Variants in VTA1 observed in about 807,000 individuals in gnomAD.
VTA1 encodes the protein vesicle trafficking 1.
In VTA1, 24 loss-of-function variants were observed where a neutral mutation model predicts 36.9. The observed-to-expected ratio is 0.65, with a 90% CI of 0.47 to 0.91. The LOEUF is 0.91. Among genes scored for constraint, VTA1 ranks in the 40% least tolerant of loss-of-function variants. The pLI is 0.00. For synonymous variants in VTA1, 142 were observed against 130.2 expected (o/e 1.09, Z -0.62); for missense variants, 393 against 377.2 (o/e 1.04, Z -0.35).
chr6:142,205,526 C>A (rs1302250045), intron 7 of VTA1, among the ~76,000 whole-genome samples: 1 of 152,066 alleles, frequency 6.6e-6, no homozygotes, highest in South Asian at 2.1e-4. Flanking sequence ...AGGAACTTAA[C>A]TCAGGATGTA....
chr6:142,157,014 A>C (rs975050613), intron 1 of VTA1, among the ~76,000 whole-genome samples: 32 of 152,306 alleles, frequency 2.1e-4, no homozygotes, highest in African/African-American at 7.5e-4. Flanking sequence ...AAATACAAAA[A>C]TTAGCCGGGC....
At position 142,170,523 on chromosome 6, in the gene VTA1, G is replaced by A. The variant is rs562068544; in HGVS notation, c.411+102G>A. On this transcript the variant is annotated intron_variant, in intron 4 of 7. Transcript: ENST00000367630. The stretch of plus-strand genomic sequence containing the variant: ...TTTATTTACAGCAGAATGTCTGTCA[G>A]AAATTAATGCAAGCAAAAAATGTAA... 1,354 of 754,608 alleles carry A rather than the reference G, an allele frequency of 1.8e-3. 4 individuals are homozygous for A. The highest frequency in any genetic ancestry group is 2.4e-3 in the Non-Finnish European group (1,222 of 511,098). The allele number at this position is 754,608 out of a possible 1,614,324, so 46.7% of individuals were successfully genotyped here. A position where few individuals can be genotyped will look rare whatever the true frequency, so the allele number is the denominator to read the frequency against.
intron 1 of VTA1, among the ~76,000 whole-genome samples, chr6:142,164,444 A>G (rs373926443): frequency 5.3e-5 from 8 of 152,108 alleles, no homozygotes; most frequent in African/African-American, 1.7e-4. Context: ...TTATGAATAC[A>G]TTATTAAATT....
intron 4 of VTA1, among the ~76,000 whole-genome samples, chr6:142,172,921 G>A (rs375042517): frequency 6.6e-6 from 1 of 150,768 alleles, no homozygotes; most frequent in East Asian, 1.9e-4. Context: ...TATAATAGGA[G>A]CCTGTACAAT....
Position 142,223,923 on chromosome 6 carries a change from G to A in VTA1, c.*5280G>A, listed in dbSNP as rs1331378356. 6.6e-6 allele frequency: 1 copy of A among 151,730 alleles called. No homozygotes were observed. Among genetic ancestry groups the A allele is most frequent in the East Asian group, 1.9e-4 (1 of 5,130 alleles). 9.4% of individuals were successfully genotyped at this position (151,730 alleles called of 1,614,324 possible). On this transcript the variant is annotated 3_prime_UTR_variant, in exon 8 of 8. Coordinates refer to ENST00000367630, the MANE Select transcript of VTA1 (RefSeq NM_016485.5). ...ATTCAGGTAACTCGAGTAATTTAGT[G>A]TTACTATGCATATGGCCTATGGAGG...
intron 1 of VTA1, among the ~76,000 whole-genome samples, chr6:142,160,591 C>T (rs1043552613): frequency 6.6e-6 from 1 of 152,060 alleles, no homozygotes; most frequent in Non-Finnish European, 1.5e-5. Context: ...TGGGACTCCT[C>T]TTCCTGGGCC....
At chr6:142,214,380 C>CA (rs1282257334) in intron 7 of VTA1, among the ~76,000 whole-genome samples, 2 of 152,148 alleles carry the variant, frequency 1.3e-5, no homozygotes, top group Non-Finnish European at 2.9e-5. Context: ...TTCAACAAGT[C>CA]ACGTGGAAGG....
In VTA1 at chr6:142,195,363, C is replaced by T. The variant is rs79381356; in HGVS notation, c.521-3076C>T. On this transcript the variant is annotated intron_variant, in intron 5 of 7. Coordinates refer to ENST00000367630, the MANE Select transcript of VTA1 (RefSeq NM_016485.5). ...TCCCTGAGGTAGTGCCATTTATTGG[C>T]GTAATATTTTCTTATTGTCTTCACT... Among the ~76,000 whole-genome samples, 1,292 of 151,942 alleles carry T rather than the reference C, an allele frequency of 8.5e-3. 14 individuals are homozygous for T. Among genetic ancestry groups the T allele is most frequent in the African/African-American group, 0.029 (1,209 of 41,448 alleles).
At position 142,220,324 on chromosome 6, in the gene VTA1, C is replaced by T. The variant is rs1369609104; in HGVS notation, c.*1681C>T. On this transcript the variant is annotated 3_prime_UTR_variant, in exon 8 of 8. Coordinates refer to ENST00000367630, the MANE Select transcript of VTA1 (RefSeq NM_016485.5). The stretch of plus-strand genomic sequence containing the variant: ...AATTTTAATTCAAACCTTGATATGC[C>T]TGGACACTGAAAAGTAAACGCATCA... 6.6e-6 allele frequency: 1 copy of T among 152,132 alleles called. No homozygotes were observed. The allele number at this position is 152,132 out of a possible 1,614,324, so 9.4% of individuals were successfully genotyped here. A position where few individuals can be genotyped will look rare whatever the true frequency, so the allele number is the denominator to read the frequency against.
At chr6:142,216,062 C>G (rs1775999767) in intron 7 of VTA1, among the ~76,000 whole-genome samples, 1 of 152,000 alleles carries the variant, frequency 6.6e-6, no homozygotes, top group Non-Finnish European at 1.5e-5. Context: ...ATCTTTGAAG[C>G]ATCTTTAAGG....
In VTA1 at chr6:142,154,899, T is replaced by G. The variant is rs574763948; in HGVS notation, c.112+7500T>G. 2.0e-5 allele frequency among the ~76,000 whole-genome samples: 3 copies of G among 152,186 alleles called. No homozygotes were observed. The East Asian group carries it at 5.8e-4, about 29-fold the overall frequency. ...GGTTTCTTAGATATTGTTGAGAAAA[T>G]TACTCCTTTTCCTCAAATGTGAGTT... On this transcript the variant is annotated intron_variant, in intron 1 of 7. Coordinates refer to ENST00000367630, the MANE Select transcript of VTA1 (RefSeq NM_016485.5).
At chr6:142,169,357 G>C (rs1774985559) in intron 2 of VTA1, among the ~76,000 whole-genome samples, 193 bp from the exon 3 acceptor site, 1 of 152,142 alleles carries the variant, frequency 6.6e-6, no homozygotes, top group Non-Finnish European at 1.5e-5. Context: ...CTTCAAAGTT[G>C]TAAGCATTGG....
intron 5 of VTA1, among the ~76,000 whole-genome samples, chr6:142,195,569 C>T (rs1478484700): frequency 2.2e-5 from 3 of 134,918 alleles, no homozygotes; most frequent in Non-Finnish European, 4.8e-5. Context: ...TTATTTTTTG[C>T]TGCACCACAC....
chr6:142,188,412 A>G (rs918573529), intron 4 of VTA1, among the ~76,000 whole-genome samples: 1 of 151,400 alleles, frequency 6.6e-6, no homozygotes, highest in Non-Finnish European at 1.5e-5. Flanking sequence ...ACAGGGTTTC[A>G]CTGTGTTGGC....
intron 4 of VTA1, among the ~76,000 whole-genome samples, chr6:142,184,319 ATTACT>A (rs1775299833): frequency 1.3e-5 from 2 of 152,164 alleles, no homozygotes; most frequent in Admixed American, 1.3e-4. Context: ...CCTTCAGTAA[ATTACT>A]TTACTTTTGT....
intron 5 of VTA1, among the ~76,000 whole-genome samples, chr6:142,198,063 C>A (rs1039505195): frequency 6.7e-6 from 1 of 150,078 alleles, no homozygotes. Context: ...CGCCACTGCA[C>A]TCCAGCCTGG....
rs968168589 is a variant in VTA1 at position 142,203,907 on chromosome 6, T to C, written c.698-78T>C. 7 of 1,184,970 alleles carry C rather than the reference T, an allele frequency of 5.9e-6. No individual in the cohort carries two copies. In the African/African-American group the frequency reaches 9.2e-5, roughly 16 times the overall value. The allele number at this position is 1,184,970 out of a possible 1,614,324, so 73.4% of individuals were successfully genotyped here. ...TAAGCAAAGTAATGAAATTGCCTCA[T>C]GATTTTTAAGTGCTGCCCTGCTGTA... On this transcript the variant is annotated intron_variant, in intron 6 of 7. Transcript: ENST00000367630.
At chr6:142,206,638 C>T (rs1175836281) in intron 7 of VTA1, among the ~76,000 whole-genome samples, 2 of 152,174 alleles carry the variant, frequency 1.3e-5, no homozygotes, top group East Asian at 1.9e-4. Flanking sequence ...GAATAATCAA[C>T]GTAGTACTGA....
chr6:142,179,548 A>C (rs186996328), intron 4 of VTA1, among the ~76,000 whole-genome samples: 2 of 152,278 alleles, frequency 1.3e-5, no homozygotes, highest in African/African-American at 4.8e-5. Context: ...TATAACCTAC[A>C]ACATGGATGA....
Sources: allele counts gnomAD v4.1 joint callset (sites outside exome capture counted in the v4.1 genomes callset), GRCh38; gene constraint gnomAD v4.1.1; transcripts MANE v1.5; gene names NCBI Gene and HGNC (gene_info 2026-07-23, HGNC 2026-07-21).